The following TNIK variants were observed in gnomAD, a reference collection of about 807,000 sequenced individuals.
The protein encoded by TNIK is TRAF2 and NCK interacting kinase.
TNIK carries 49 observed loss-of-function variants against 191.3 expected under a neutral mutation model. That is an observed-to-expected ratio of 0.26 (90% confidence interval 0.20 to 0.32). The LOEUF (loss-of-function observed/expected upper bound fraction) is 0.32, where lower values mean the gene tolerates loss of function less well. Ranked by LOEUF, TNIK falls within the 10% of genes least tolerant of loss-of-function variation. The pLI, the probability that TNIK is intolerant of heterozygous loss-of-function variation, is 1.00. For synonymous variants in TNIK, 594 were observed against 600.9 expected (o/e 0.99, Z 0.17); for missense variants, 1,155 against 1,702.3 (o/e 0.68, Z 5.66).
At chr3:171,253,167 C>G (rs548081835) in intron 2 of TNIK, among the ~76,000 whole-genome samples, 1 of 151,476 alleles carries the variant, frequency 6.6e-6, no homozygotes, top group Admixed American at 6.6e-5. Flanking sequence ...GCCTATAGTC[C>G]CAGCTGCTTG....
intron 2 of TNIK, among the ~76,000 whole-genome samples, chr3:171,261,536 ATGATGGATGGATG>A (rs1235616540): frequency 5.4e-5 from 2 of 37,306 alleles, no homozygotes; most frequent in African/African-American, 4.2e-4. Context: ...GGATGGATGG[ATGATGGATGGATG>A]GATAAATGAA....
At chr3:171,268,510 A>G (rs1450171333) in intron 2 of TNIK, among the ~76,000 whole-genome samples, 3 of 152,062 alleles carry the variant, frequency 2.0e-5, no homozygotes, top group Admixed American at 2.0e-4. Flanking sequence ...CCTGTTCTAT[A>G]CTAAGGTCTC....
At chr3:171,075,245 C>T (rs756052492) in intron 28 of TNIK, among the ~76,000 whole-genome samples, 5 of 152,168 alleles carry the variant, frequency 3.3e-5, no homozygotes, top group Non-Finnish European at 5.9e-5. Context: ...GCAAAATACT[C>T]AAAAGGAAAC....
intron 2 of TNIK, among the ~76,000 whole-genome samples, chr3:171,330,214 C>T (rs1756258151): frequency 6.6e-6 from 1 of 152,192 alleles, no homozygotes; most frequent in Non-Finnish European, 1.5e-5. Context: ...TTATTAGATA[C>T]TGACCCCAAA....
At chr3:171,211,266 C>A in intron 3 of TNIK, 25 bp from the exon 4 acceptor site, 2 of 1,573,410 alleles carry the variant, frequency 1.3e-6, no homozygotes, top group Non-Finnish European at 1.7e-6. Flanking sequence ...TATAAAAATT[C>A]TGTCATGAAA....
chr3:171,107,244 A>G lies in TNIK; in HGVS notation c.2383-38T>C, dbSNP rs1488469722. ...GAACCCAATCCAGAAGAATCCACAG[A>G]AGGAGGAAAAGCCAGCAGAAAGGCA... On this transcript the variant is annotated intron_variant, in intron 20 of 32. Transcript: ENST00000436636. 2.5e-6 allele frequency: 4 copies of G among 1,598,568 alleles called. No individual in the cohort carries two copies. The African/African-American group carries it at 4.1e-5, about 16-fold the overall frequency.
In TNIK at chr3:171,094,897, C is replaced by T. The variant is rs535250564; in HGVS notation, c.2592-929G>A. Among the ~76,000 whole-genome samples the T allele has an allele frequency of 7.7e-4, 117 of 152,120 alleles. 2 individuals carry two copies. The highest frequency in any genetic ancestry group is 2.6e-3 in the African/African-American group (107 of 41,472). On this transcript the variant is annotated intron_variant, in intron 22 of 32. Transcript: ENST00000436636. ...TCTCATTGCTTGTGATGGCAGAGTC[C>T]TTGTCTCTTTGTTCATTATTATTAC...
At chr3:171,189,584 C>T (rs921981636) in intron 6 of TNIK, among the ~76,000 whole-genome samples, 3 of 152,086 alleles carry the variant, frequency 2.0e-5, no homozygotes, top group African/African-American at 7.2e-5. Flanking sequence ...TCATTTCTGC[C>T]GCTACTAGTG....
At chr3:171,433,910 A>G (rs1051969709) in intron 1 of TNIK, among the ~76,000 whole-genome samples, 12 of 148,648 alleles carry the variant, frequency 8.1e-5, no homozygotes, top group African/African-American at 3.0e-4. Flanking sequence ...TATTATTATT[A>G]AGAATATCTG....
chr3:171,105,728 A>G (rs1423616466), intron 21 of TNIK, among the ~76,000 whole-genome samples: 1 of 152,158 alleles, frequency 6.6e-6, no homozygotes, highest in Non-Finnish European at 1.5e-5. Flanking sequence ...ATCAGATGAA[A>G]TCTGTGAGAG....
chr3:171,327,120 G>C (rs1254331401), intron 2 of TNIK, among the ~76,000 whole-genome samples: 1 of 152,186 alleles, frequency 6.6e-6, no homozygotes, highest in African/African-American at 2.4e-5. Flanking sequence ...GGGACAATTA[G>C]GGGGTCTGTT....
intron 12 of TNIK, among the ~76,000 whole-genome samples, chr3:171,153,000 T>A (rs1208408931): frequency 1.3e-5 from 2 of 152,162 alleles, no homozygotes; most frequent in African/African-American, 4.8e-5. Context: ...CTTGATCTCC[T>A]GATCTCGTGA....
Position 171,075,713 on chromosome 3 carries a change from GTT to G in TNIK, c.3448+3803_3448+3804del, listed in dbSNP as rs529576881. Reference sequence around the variant, plus strand: ...CCACATACGTTTACAGACATTAAACGTTTTTTTTTTTTCCAAAAGCTGCTATT... The same window carrying G: ...CCACATACGTTTACAGACATTAAACGTTTTTTTTTTCCAAAAGCTGCTATT... On this transcript the variant is annotated intron_variant, in intron 28 of 32. Coordinates refer to ENST00000436636, the MANE Select transcript of TNIK (RefSeq NM_015028.4). 7.1e-4 allele frequency among the ~76,000 whole-genome samples: 102 copies of G among 143,932 alleles called. 1 individual carries two copies. Among genetic ancestry groups the G allele is most frequent in the African/African-American group, 2.4e-3 (93 of 39,536 alleles). The allele number at this position is 143,932 out of a possible 152,430, so 94.4% of individuals were successfully genotyped here.
intron 2 of TNIK, among the ~76,000 whole-genome samples, chr3:171,314,213 C>G (rs1429890106): frequency 6.6e-6 from 1 of 152,174 alleles, no homozygotes; most frequent in Non-Finnish European, 1.5e-5. Context: ...CTGAAGACTT[C>G]CAGCATCAGA....
chr3:171,442,882 A>G (rs1399350913), intron 1 of TNIK, among the ~76,000 whole-genome samples: 1 of 152,138 alleles, frequency 6.6e-6, no homozygotes, highest in Non-Finnish European at 1.5e-5. Context: ...ACACTTTTAC[A>G]TCTGTTCTTC....
intron 1 of TNIK, among the ~76,000 whole-genome samples, chr3:171,437,621 C>CT (rs1451345554): frequency 6.6e-6 from 1 of 152,180 alleles, no homozygotes; most frequent in Non-Finnish European, 1.5e-5. Flanking sequence ...TTGGACCAGC[C>CT]AGAGGCAGGC....
At chr3:171,342,041 G>A (rs1435317915) in intron 2 of TNIK, among the ~76,000 whole-genome samples, 1 of 152,132 alleles carries the variant, frequency 6.6e-6, no homozygotes, top group Non-Finnish European at 1.5e-5. Context: ...TTTTGCTGTG[G>A]AACAACATAT....
rs1161764896 is a variant in TNIK at position 171,066,309 on chromosome 3, G to T, written c.3877C>A (p.Gln1293Lys). 6.2e-7 allele frequency: 1 copy of T among 1,613,678 alleles called. No individual in the cohort carries two copies. Residue 1293 changes from glutamine (Q) to lysine (K), a missense_variant, in exon 32 of 33, where the codon CAG becomes AAG. By Grantham distance (53) the Gln-to-Lys change is moderately conservative (BLOSUM62 1). This residue lies in a region of TNIK where 195 missense variants were observed against 415.4 expected (regional missense o/e 0.47). Coordinates refer to ENST00000436636, the MANE Select transcript of TNIK (RefSeq NM_015028.4). ...PTSVAYIHSN[Q>K]IMGWGEKAIE... ...GCTTTCTCGCCCCAGCCCATTATCT[G>T]ATTGGAATGAATGTAGGCTGTCAAA...
chr3:171,450,246 C>T (rs1185080353), intron 1 of TNIK, among the ~76,000 whole-genome samples: 1 of 152,198 alleles, frequency 6.6e-6, no homozygotes, highest in Non-Finnish European at 1.5e-5. Flanking sequence ...AGCATTGCTA[C>T]TTATCTATAT....
Sources: allele counts gnomAD v4.1 joint callset (sites outside exome capture counted in the v4.1 genomes callset), GRCh38; gene constraint gnomAD v4.1.1; regional missense constraint gnomAD v4.1.1; transcripts MANE v1.5; gene names NCBI Gene and HGNC (gene_info 2026-07-23, HGNC 2026-07-21).